The following CHRNA2 variants were observed in gnomAD, a reference collection of about 807,000 sequenced individuals.
CHRNA2 encodes the protein cholinergic receptor nicotinic alpha 2 subunit.
A neutral mutation model predicts 45.5 loss-of-function variants in CHRNA2; 40 were observed. The ratio of observed to expected loss-of-function variants is 0.88; its 90% CI spans 0.68 to 1.15. The LOEUF (loss-of-function observed/expected upper bound fraction) is 1.15. CHRNA2 is among the 50% of genes most tolerant of loss of function. CHRNA2 has a pLI of 0.00. For missense variants in CHRNA2, 655 were observed against 701.7 expected, an observed-to-expected ratio of 0.93 and a Z score of 0.75; for synonymous variants, 301 against 296.7, an observed-to-expected ratio of 1.01 and a Z score of -0.15.
chr8:27,472,046 C>T (rs774841704), intron 1 of CHRNA2, among the ~76,000 whole-genome samples: 34 of 152,196 alleles, frequency 2.2e-4, no homozygotes, highest in Non-Finnish European at 4.9e-4. Flanking sequence ...CCCGAAAGGA[C>T]AGGTTTTGAA....
intron 5 of CHRNA2, among the ~76,000 whole-genome samples, chr8:27,465,217 T>C (rs1812659993): frequency 6.6e-6 from 1 of 152,020 alleles, no homozygotes; most frequent in African/African-American, 2.4e-5. Flanking sequence ...CAGCCCCTGA[T>C]TCCACCAGGA....
Position 27,472,078 on chromosome 8 carries a change from T to C in CHRNA2, c.-136-884A>G, listed in dbSNP as rs187180975. 7.8e-4 allele frequency among the ~76,000 whole-genome samples: 119 copies of C among 152,312 alleles called. 1 individual carries two copies. The highest frequency in any genetic ancestry group is 2.7e-3 in the African/African-American group (113 of 41,574). On this transcript the variant is annotated intron_variant, in intron 1 of 6. Coordinates refer to ENST00000407991, the MANE Select transcript of CHRNA2 (RefSeq NM_000742.4). ...TGAAGAGCTTCTAAATAGCAGAACA[T>C]TGGAGGTTCCTGAGGGGTGATGAGC...
In CHRNA2 at chr8:27,469,272, A is replaced by T; in HGVS notation, c.339+63T>A. The T allele has an allele frequency of 2.0e-6, 3 of 1,472,038 alleles. No individual in the cohort carries two copies. In the South Asian group the frequency reaches 3.6e-5, roughly 18 times the overall value. 91.2% of individuals were successfully genotyped at this position (1,472,038 alleles called of 1,614,324 possible). On this transcript the variant is annotated intron_variant, in intron 4 of 6. Transcript: ENST00000407991. Reference sequence around the variant, plus strand: ...TCTTTCACTAGCGAAGAAGTCCTGGAGGGGTCTGGGGTCCATGGATTCCCG... The same window carrying T: ...TCTTTCACTAGCGAAGAAGTCCTGGTGGGGTCTGGGGTCCATGGATTCCCG...
Position 27,463,866 on chromosome 8 carries a change from C to A in CHRNA2, c.577G>T (p.Asp193Tyr), listed in dbSNP as rs373358886. The A allele has an allele frequency of 8.7e-6, 14 of 1,614,094 alleles. No individual in the cohort carries two copies. The highest frequency in any genetic ancestry group is 1.1e-5 in the Non-Finnish European group (13 of 1,180,018). The change falls in exon 6 of 7, where the codon GAC becomes TAC. Residue 193 changes from aspartate to tyrosine, a missense_variant. By Grantham distance (160) the Asp-to-Tyr change is radical. Around this residue, in one of 3 missense-constraint regions of CHRNA2, gnomAD observed 323 missense variants for 354.4 expected, o/e 0.91. Transcript: ENST00000407991. This position sits in a 1 kb window ranked among gnomAD's most constrained non-coding sequence, Gnocchi z 6.1. ...CSIDVTFFPF[D>Y]QQNCKMKFGS... Reference sequence around the variant, plus strand: ...AACTTCATCTTGCAGTTCTGCTGGTCGAAGGGGAAGAAGGTGACGTCGATG... The same window carrying A: ...AACTTCATCTTGCAGTTCTGCTGGTAGAAGGGGAAGAAGGTGACGTCGATG...
chr8:27,472,007 C>T (rs981737792), intron 1 of CHRNA2, among the ~76,000 whole-genome samples: 27 of 152,146 alleles, frequency 1.8e-4, no homozygotes, highest in East Asian at 1.9e-4. Context: ...ATTAATCAAT[C>T]GTGCTGCATA....
intron 6 of CHRNA2, 148 bp from the exon 7 acceptor site, chr8:27,461,902 G>T: frequency 9.1e-7 from 1 of 1,095,334 alleles, no homozygotes; most frequent in Non-Finnish European, 1.4e-6. Flanking sequence ...CACAGGGAGC[G>T]GGGTGAGTGG....
chr8:27,478,468 T>C (rs1813128436), intron 1 of CHRNA2, among the ~76,000 whole-genome samples: 1 of 152,208 alleles, frequency 6.6e-6, no homozygotes, highest in Admixed American at 6.5e-5. Flanking sequence ...GTAAATAGCA[T>C]TGCTGTCTTT....
intron 3 of CHRNA2, 150 bp downstream of exon 3, chr8:27,469,611 C>T (rs2132666510): frequency 4.0e-6 from 4 of 1,007,342 alleles, no homozygotes; most frequent in Non-Finnish European, 6.1e-6. Context: ...GAGGGGAGAG[C>T]GTAGCCGCCC....
chr8:27,463,545 A>G lies in CHRNA2; in HGVS notation c.898T>C (p.Cys300Arg). ...PSDCGEKITL[C>R]ISVLLSLTVF... Reference sequence around the variant, plus strand: ...GTGAGTGACAGCAGCACCGAAATGCACAGCGTGATCTTCTCGCCGCAGTCG... The same window carrying G: ...GTGAGTGACAGCAGCACCGAAATGCGCAGCGTGATCTTCTCGCCGCAGTCG... The change falls in exon 6 of 7, where the codon TGC becomes CGC. Residue 300 changes from cysteine (C) to arginine (R), a missense_variant. By Grantham distance (180) the Cys-to-Arg change is radical. Coordinates refer to ENST00000407991, the MANE Select transcript of CHRNA2 (RefSeq NM_000742.4). This position sits in a 1 kb window ranked among gnomAD's most constrained non-coding sequence, Gnocchi z 6.1. 6.2e-7 allele frequency: 1 copy of G among 1,614,244 alleles called. No individual in the cohort carries two copies. Among genetic ancestry groups the G allele is most frequent in the South Asian group, 1.1e-5 (1 of 91,078 alleles).
intron 1 of CHRNA2, among the ~76,000 whole-genome samples, chr8:27,475,874 G>A (rs1813045056): frequency 6.6e-6 from 1 of 152,084 alleles, no homozygotes; most frequent in African/African-American, 2.4e-5. Context: ...CACTCCTTAA[G>A]GGTGACCACT....
At chr8:27,473,989 T>C (rs927095121) in intron 1 of CHRNA2, among the ~76,000 whole-genome samples, 8 of 152,088 alleles carry the variant, frequency 5.3e-5, no homozygotes, top group Middle Eastern at 3.2e-3. Context: ...CTGTGAAAGG[T>C]CACTCAATCC....
Position 27,461,603 on chromosome 8 carries a change from T to C in CHRNA2, c.*26A>G. On this transcript the variant is annotated 3_prime_UTR_variant, in exon 7 of 7. Transcript: ENST00000407991. The stretch of plus-strand genomic sequence containing the variant: ...CAAAAGATGGTCAGCGGGGGTGCCC[T>C]GGGAGCCAGCTCGAGGGAGGTGCAG... 1 of 1,613,928 alleles carries C rather than the reference T, an allele frequency of 6.2e-7. No homozygotes were observed. Among genetic ancestry groups the C allele is most frequent in the East Asian group, 2.2e-5 (1 of 44,868 alleles).
chr8:27,461,771 A>G lies in CHRNA2; in HGVS notation c.1465-17T>C, dbSNP rs1812499165. 6.2e-7 allele frequency: 1 copy of G among 1,613,854 alleles called. No homozygotes were observed. Among genetic ancestry groups the G allele is most frequent in the African/African-American group, 1.3e-5 (1 of 74,912 alleles). The stretch of plus-strand genomic sequence containing the variant: ...CTCCTTCACCTGTGGGGAAGACAGC[A>G]CACAGTGACAGGGGCCAGGCCTGGG... On this transcript the variant is annotated splice_polypyrimidine_tract_variant and intron_variant, in intron 6 of 6. Coordinates refer to ENST00000407991, the MANE Select transcript of CHRNA2 (RefSeq NM_000742.4).
intron 5 of CHRNA2, among the ~76,000 whole-genome samples, chr8:27,465,403 A>C (rs910900049): frequency 6.6e-6 from 1 of 151,938 alleles, no homozygotes; most frequent in Non-Finnish European, 1.5e-5. Flanking sequence ...GAACTTTGAA[A>C]GGGAGTAACA....
rs746613509 is a variant in CHRNA2 at position 27,463,320 on chromosome 8, G to A, written c.1123C>T (p.Pro375Ser). 1.9e-6 allele frequency: 3 copies of A among 1,612,614 alleles called. No homozygotes were observed. The highest frequency in any genetic ancestry group is 1.7e-5 in the Admixed American group (1 of 60,022). The change falls in exon 6 of 7, where the codon CCC becomes TCC. Residue 375 changes from proline to serine, a missense_variant. Coordinates refer to ENST00000407991, the MANE Select transcript of CHRNA2 (RefSeq NM_000742.4). This position sits in a 1 kb window ranked among gnomAD's most constrained non-coding sequence, Gnocchi z 6.1. Reference sequence around the variant, plus strand: ...GGCCGGTTCATCAGAAGCCACCGGGGCACACAGCCCAGAAGGGCCCCCCGC... The same window carrying A: ...GGCCGGTTCATCAGAAGCCACCGGGACACACAGCCCAGAAGGGCCCCCCGC... ...WVRGALLGCV[P>S]RWLLMNRPPP...
chr8:27,471,387 C>T lies in CHRNA2; in HGVS notation c.-136-193G>A, dbSNP rs542421071. On this transcript the variant is annotated intron_variant, in intron 1 of 6. Transcript: ENST00000407991. ...TTCCTCTTTCTCCAGAGTCAGCCAG[C>T]GACTCTGCCCTAAGACCAGCCCTGA... is the stretch of plus-strand genomic sequence containing the variant. Among the ~76,000 whole-genome samples, 4 of 152,320 alleles carry T rather than the reference C, an allele frequency of 2.6e-5. No individual in the cohort carries two copies. In the East Asian group the frequency reaches 5.8e-4, roughly 22 times the overall value.
chr8:27,476,191 A>C (rs1381686885), intron 1 of CHRNA2, among the ~76,000 whole-genome samples: 1 of 152,254 alleles, frequency 6.6e-6, no homozygotes, highest in Admixed American at 6.5e-5. Context: ...CAGGGCCAAC[A>C]GTGTGCCAGG....
intron 6 of CHRNA2, among the ~76,000 whole-genome samples, 188 bp downstream of exon 6, chr8:27,462,791 T>C (rs1812537570): frequency 6.6e-6 from 1 of 152,172 alleles, no homozygotes; most frequent in Admixed American, 6.5e-5. Flanking sequence ...CACGTGCCAA[T>C]AAACGTCCTC....
At chr8:27,465,870 A>G (rs533115665) in intron 5 of CHRNA2, among the ~76,000 whole-genome samples, 1 of 152,218 alleles carries the variant, frequency 6.6e-6, no homozygotes, top group African/African-American at 2.4e-5. Context: ...GGTGGAGGGG[A>G]TCCATCTCTA....
Sources: gnomAD v4.1 joint callset for allele counts (sites outside exome capture counted in the v4.1 genomes callset) on GRCh38, gnomAD v4.1.1 for gene constraint, gnomAD v4.1.1 regional missense constraint, Gnocchi (gnomAD v3.1) non-coding constraint, MANE v1.5 for transcripts, NCBI Gene and HGNC (gene_info 2026-07-23, HGNC 2026-07-21) for gene names.